CD81: variants seen among roughly 807,000 people sequenced by gnomAD.
The protein encoded by CD81 is CD81 molecule.
CD81 carries 10 observed loss-of-function variants against 30.1 expected under a neutral mutation model. The ratio of observed to expected loss-of-function variants is 0.33; its 90% confidence interval spans 0.21 to 0.56. The LOEUF is 0.56. Among genes scored for constraint, CD81 ranks in the 20% least tolerant of loss-of-function variants. CD81 has a pLI of 0.89. For synonymous variants in CD81, 147 were observed against 126.4 expected, an observed-to-expected ratio of 1.16 and a Z score of -1.10; for missense variants, 263 against 308.7, an observed-to-expected ratio of 0.85 and a Z score of 1.11.
rs1028153022 is a variant in CD81, at chr11:2,390,474, C to T, written c.129C>T (p.Asn43=). Residue 43 remains asparagine (N), a synonymous_variant, in exon 2 of 8, where the codon AAC becomes AAT. Transcript: ENST00000263645. The part of the protein sequence containing the change: ...LWLRHDPQTT[N]LLYLELGDKP... ...TCCGCCATGACCCGCAGACCACCAA[C>T]CTCCTGTATCTGGAGCTGGGAGACA... is the stretch of plus-strand genomic sequence containing the variant. The T allele has an allele frequency of 1.2e-6, 2 of 1,612,980 alleles. No homozygotes were observed. The highest frequency in any genetic ancestry group is 3.3e-5 in the Admixed American group (2 of 60,036).
chr11:2,393,306 G>C (rs1387982719), intron 2 of CD81: 1 of 153,318 alleles, frequency 6.5e-6, no homozygotes, highest in South Asian at 2.1e-4. Context: ...CCCATGTCTC[G>C]GGCCCACAGT....
At position 2,390,936 on chromosome 11, in the gene CD81, C is replaced by T. The variant is rs561163699; in HGVS notation, c.181+410C>T. 8.9e-4 allele frequency: 113 copies of T among 126,570 alleles called. No homozygotes were observed. In the South Asian group the frequency reaches 0.011, roughly 12 times the overall value. 7.8% of individuals were successfully genotyped at this position (126,570 alleles called of 1,614,324 possible). ...GATGGAACCCAGTGAGGGGTGGAGA[C>T]GGGGCAGGGGAGGGGTGGAGAGGGG... On this transcript the variant is annotated intron_variant, in intron 2 of 7. Transcript: ENST00000263645.
chr11:2,395,883 C>T lies in CD81; in HGVS notation c.474C>T (p.Gly158=), dbSNP rs755103727. 15 of 1,611,244 alleles carry T rather than the reference C, an allele frequency of 9.3e-6. No homozygotes were observed. The African/African-American group carries it at 1.6e-4, about 17-fold the overall frequency. Residue 158 remains glycine (G), a synonymous_variant, in exon 6 of 8, where the codon GGC becomes GGT. Coordinates refer to ENST00000263645, the MANE Select transcript of CD81 (RefSeq NM_004356.4). ...KTFHETLDCC[G]SSTLTALTTS... is the part of the protein sequence containing the mutation. ...GCTCTCTGCAGCTTGACTGCTGTGGCTCCAGCACACTGACTGCTTTGACCA... is the reference window on the plus strand; with the variant it reads ...GCTCTCTGCAGCTTGACTGCTGTGGTTCCAGCACACTGACTGCTTTGACCA...
intron 1 of CD81, among the ~76,000 whole-genome samples, chr11:2,389,765 C>G (rs1849863711): frequency 6.6e-6 from 1 of 152,108 alleles, no homozygotes; most frequent in South Asian, 2.1e-4. Context: ...AGGGATGTAT[C>G]CCACAAACCC....
rs756885483 is a variant in CD81, at chr11:2,395,017, G to A, written c.325G>A (p.Gly109Ser). ...CCTGTTTGCCTGTGAGGTGGCCGCC[G>A]GCATCTGGGGCTTTGTCAACAAGGA... ...VILFACEVAA[G>S]IWGFVNKDQI... Residue 109 changes from glycine to serine, a missense_variant, in exon 4 of 8, where the codon GGC becomes AGC. By Grantham distance (56) the Gly-to-Ser change is moderately conservative. Around this residue, in one of 3 missense-constraint regions of CD81, gnomAD observed 176 missense variants for 192.9 expected, o/e 0.91. Transcript: ENST00000263645. 17 of 1,612,428 alleles carry A rather than the reference G, an allele frequency of 1.1e-5. No individual in the cohort carries two copies. Among genetic ancestry groups the A allele is most frequent in the Admixed American group, 6.7e-5 (4 of 60,000 alleles).
chr11:2,384,398 TGGGGTGGGACAGCTTGG>T (rs1286587082), intron 1 of CD81, among the ~76,000 whole-genome samples: 2 of 3,056 alleles, frequency 6.5e-4, no homozygotes, highest in Admixed American at 9.9e-3. Context: ...GGGCGTCTCG[TGGGGTGGGACAGCTTGG>T]GGGGTGGGGC....
intron 2 of CD81, chr11:2,391,061 G>C (rs946323378): frequency 4.4e-6 from 1 of 229,206 alleles, no homozygotes; most frequent in Non-Finnish European, 8.8e-6. Context: ...TGCCCTCCCT[G>C]CCCCCAGGAG....
rs2133469416 is a variant in CD81 at position 2,397,387 on chromosome 11, C to G, written c.*521C>G. The G allele has an allele frequency of 1.5e-5, 3 of 203,752 alleles. No individual in the cohort carries two copies. The highest frequency in any genetic ancestry group is 4.0e-3 in the Middle Eastern group (2 of 496). The allele number at this position is 203,752 out of a possible 1,614,324, so 12.6% of individuals were successfully genotyped here. On this transcript the variant is annotated 3_prime_UTR_variant, in exon 8 of 8. Transcript: ENST00000263645. ...CCGTCATTTAATAAAGAAGGAACAT[C>G]AGGCATGCTACCAGGCCTGTGCAGT...
At chr11:2,395,218 C>A in intron 4 of CD81, 172 bp downstream of exon 4, 1 of 731,794 alleles carries the variant, frequency 1.4e-6, no homozygotes, top group South Asian at 1.6e-5. Context: ...AGCATTGGGG[C>A]TGAGCACCAG....
Position 2,394,188 on chromosome 11 carries a change from G to C in CD81, c.275G>C (p.Gly92Ala), listed in dbSNP as rs1284032868. 1 of 1,608,344 alleles carries C rather than the reference G, an allele frequency of 6.2e-7. No homozygotes were observed. Among genetic ancestry groups the C allele is most frequent in the East Asian group, 2.2e-5 (1 of 44,828 alleles). Residue 92 changes from glycine to alanine, a missense_variant, in exon 3 of 8, where the codon GGG becomes GCG. Gly to Ala is a moderately conservative substitution (Grantham distance 60). Around this residue, in one of 3 missense-constraint regions of CD81, gnomAD observed 176 missense variants for 192.9 expected, o/e 0.91. Transcript: ENST00000263645. ...ATCCAGGAATCCCAGTGCCTGCTGG[G>C]GACGGTAAGGCAGGGAGGCGGGCCT... Reference protein sequence around the residue: ...GAIQESQCLLGTFFTCLVILF... With the variant: ...GAIQESQCLLATFFTCLVILF...
chr11:2,393,651 C>T lies in CD81; in HGVS notation c.182-444C>T, dbSNP rs565539033. ...GGTTCCTGGGCTGCCCTCTCAACCC[C>T]GGCCTACAGTGGGGCCCACCCTGTG... On this transcript the variant is annotated intron_variant, in intron 2 of 7. Transcript: ENST00000263645. The T allele has an allele frequency of 1.4e-4, 77 of 551,646 alleles. 1 individual carries two copies. The highest frequency in any genetic ancestry group is 1.2e-3 in the South Asian group (54 of 43,440). 34.2% of individuals were successfully genotyped at this position (551,646 alleles called of 1,614,324 possible).
At chr11:2,379,038 C>T in intron 1 of CD81, 2 of 418,978 alleles carry the variant, frequency 4.8e-6, no homozygotes, top group South Asian at 1.7e-5. Flanking sequence ...CGGCACTGCC[C>T]TGGCAGTGGG....
chr11:2,390,972 C>T (rs60170955), intron 2 of CD81: 18,906 of 279,238 alleles, frequency 0.068, 2,674 homozygotes, highest in African/African-American at 0.34. Context: ...TGGAGACGCC[C>T]CAGAGGCGGT....
Position 2,377,391 on chromosome 11 carries a change from A to ACGCGCCCCCGCGCCCC in CD81, c.-142_-127dup, listed in dbSNP as rs1208025063. ...CCAGGCCTCCGGCGCCCAGCGCCCC[A>ACGCGCCCCCGCGCCCC]CGCGCCCCCGCGCCCCCGCGCCCCC... On this transcript the variant is annotated 5_prime_UTR_variant, in exon 1 of 8. Coordinates refer to ENST00000263645, the MANE Select transcript of CD81 (RefSeq NM_004356.4). This position sits in a 1 kb window ranked among gnomAD's most constrained non-coding sequence, Gnocchi z 7.7. 1.6e-4 allele frequency: 24 copies of ACGCGCCCCCGCGCCCC among 150,886 alleles called. No individual in the cohort carries two copies. The highest frequency in any genetic ancestry group is 3.0e-4 in the Non-Finnish European group (21 of 69,922). 9.3% of individuals were successfully genotyped at this position (150,886 alleles called of 1,614,324 possible).
At chr11:2,384,259 A>G (rs906312945) in intron 1 of CD81, among the ~76,000 whole-genome samples, 4 of 147,330 alleles carry the variant, frequency 2.7e-5, no homozygotes, top group Non-Finnish European at 3.0e-5. Context: ...TCCATCCCCA[A>G]TCCCCAGCAG....
intron 2 of CD81, chr11:2,391,645 TC>T (rs1461123784): frequency 6.6e-6 from 1 of 152,034 alleles, no homozygotes; most frequent in Non-Finnish European, 1.5e-5. Flanking sequence ...GCCCAGCCGA[TC>T]CTAGGGAGGG....
intron 1 of CD81, chr11:2,385,670 G>GTTCCT (rs1564990977): frequency 3.5e-5 from 9 of 255,038 alleles, no homozygotes; most frequent in Admixed American, 5.1e-5. Context: ...CCCGTCGTCT[G>GTTCCT]TGCACCCGTG....
intron 5 of CD81, 91 bp downstream of exon 5, chr11:2,395,611 C>A (rs1849985353): frequency 1.9e-6 from 2 of 1,048,634 alleles, no homozygotes; most frequent in Non-Finnish European, 2.9e-6. Context: ...TACGCCCAGA[C>A]CTCAGGAGCA....
intron 3 of CD81, chr11:2,394,727 C>T (rs1424089218): frequency 4.9e-6 from 3 of 608,138 alleles, no homozygotes; most frequent in Non-Finnish European, 8.9e-6. Context: ...CCCGCCCCAT[C>T]CACCCCGTCC....
Sources: gnomAD v4.1 joint callset for allele counts (sites outside exome capture counted in the v4.1 genomes callset) on GRCh38, gnomAD v4.1.1 for gene constraint, gnomAD v4.1.1 regional missense constraint, Gnocchi (gnomAD v3.1) non-coding constraint, MANE v1.5 for transcripts, NCBI Gene and HGNC (gene_info 2026-07-23, HGNC 2026-07-21) for gene names.